The following HNF4A variants were observed in gnomAD, a reference collection of about 807,000 sequenced individuals.
HNF4A encodes hepatocyte nuclear factor 4-alpha.
Under a neutral mutation model 52.4 loss-of-function variants are expected in HNF4A, and 15 were observed. That is an observed-to-expected ratio of 0.29 (90% CI 0.19 to 0.44). The LOEUF (loss-of-function observed/expected upper bound fraction) is 0.44, where lower values mean the gene tolerates loss of function less well. Ranked by LOEUF, HNF4A falls within the 20% of genes least tolerant of loss-of-function variation. The pLI, the probability that HNF4A is intolerant of heterozygous loss-of-function variation, is 1.00. For missense variants in HNF4A, 479 were observed against 647.2 expected (o/e 0.74, Z 2.82); for synonymous variants, 280 against 264.4 (o/e 1.06, Z -0.57).
chr20:44,423,061 A>G (rs1568739948), intron 7 of HNF4A, among the ~76,000 whole-genome samples: 1 of 152,222 alleles, frequency 6.6e-6, no homozygotes. Context: ...TCACGCCTGT[A>G]ATCCCAACAT....
intron 1 of HNF4A, among the ~76,000 whole-genome samples, chr20:44,384,264 C>T (rs565143885): frequency 7.0e-6 from 1 of 142,592 alleles, no homozygotes; most frequent in South Asian, 2.3e-4. Flanking sequence ...TTCTTTCATT[C>T]TGTTTATTTT....
chr20:44,393,650 G>A (rs1251167066), intron 1 of HNF4A, among the ~76,000 whole-genome samples: 2 of 152,112 alleles, frequency 1.3e-5, no homozygotes, highest in East Asian at 3.8e-4. Flanking sequence ...GTGGCTGGGA[G>A]GATCAAGGAA....
chr20:44,405,058 T>C (rs1272942772), intron 1 of HNF4A, among the ~76,000 whole-genome samples: 1 of 128,884 alleles, frequency 7.8e-6, no homozygotes, highest in African/African-American at 2.9e-5. Flanking sequence ...GTGTGGACTG[T>C]GTGGTGCGTG....
chr20:44,418,751 G>A (rs1035035788), intron 6 of HNF4A, among the ~76,000 whole-genome samples: 8 of 152,164 alleles, frequency 5.3e-5, no homozygotes, highest in Non-Finnish European at 1.2e-4. Flanking sequence ...GTCAGAGCAC[G>A]ATCAGGGTTA....
intron 7 of HNF4A, among the ~76,000 whole-genome samples, chr20:44,421,212 A>T (rs941132199): frequency 6.6e-6 from 1 of 152,168 alleles, no homozygotes; most frequent in Admixed American, 6.5e-5. Context: ...GGATGAAGAA[A>T]AAGCATTCCT....
At chr20:44,406,506 T>C (rs1221700722) in intron 2 of HNF4A, among the ~76,000 whole-genome samples, 1 of 152,210 alleles carries the variant, frequency 6.6e-6, no homozygotes, top group Non-Finnish European at 1.5e-5. Flanking sequence ...ACCCATCCCC[T>C]TGAGCCCATT....
chr20:44,392,801 G>A (rs1200173828), intron 1 of HNF4A, among the ~76,000 whole-genome samples: 2 of 152,170 alleles, frequency 1.3e-5, no homozygotes, highest in East Asian at 1.9e-4. Flanking sequence ...AGCTGGGGCA[G>A]GACACCCAGC....
At chr20:44,428,847 C>T (rs543767175) in intron 9 of HNF4A, among the ~76,000 whole-genome samples, 27 of 152,212 alleles carry the variant, frequency 1.8e-4, no homozygotes, top group Non-Finnish European at 3.7e-4. Flanking sequence ...TTAGATGAGA[C>T]TACCCATTGG....
rs2063620909 is a variant in HNF4A, at chr20:44,413,794, C to T, written c.486C>T (p.Ser162=). 1 of 1,607,776 alleles carries T rather than the reference C, an allele frequency of 6.2e-7. No homozygotes were observed. The highest frequency in any genetic ancestry group is 8.5e-7 in the Non-Finnish European group (1 of 1,175,338). ...CGCTCCTGCAGGCGGAGGTCCTGTC[C>T]CGACAGGTACCGGGGTGATCCTGCC... Residue 162 remains serine, a synonymous_variant, in exon 4 of 10, where the codon TCC becomes TCT. Coordinates refer to ENST00000316099, the MANE Select transcript of HNF4A (RefSeq NM_000457.6).
At chr20:44,362,705 C>T (rs1355631237) in intron 1 of HNF4A, among the ~76,000 whole-genome samples, 1 of 152,058 alleles carries the variant, frequency 6.6e-6, no homozygotes, top group African/African-American at 2.4e-5. Flanking sequence ...CCCTGCATCG[C>T]CTTGCAAATA....
intron 1 of HNF4A, chr20:44,390,695 C>G (rs1321007458): frequency 5.0e-5 from 35 of 700,842 alleles, no homozygotes. Context: ...GTCCTGACTC[C>G]ACATCTGCCT....
chr20:44,413,912 C>T, intron 4 of HNF4A, 112 bp downstream of exon 4: 1 of 753,990 alleles, frequency 1.3e-6, no homozygotes. Flanking sequence ...CGGGAGGGGC[C>T]TCAGATATTA....
chr20:44,363,733 CAG>C (rs1295750829), intron 1 of HNF4A, among the ~76,000 whole-genome samples: 2 of 119,732 alleles, frequency 1.7e-5, no homozygotes, highest in African/African-American at 6.4e-5. Context: ...TTTTTTGAGA[CAG>C]AGTCTCAATG....
Position 44,406,099 on chromosome 20 carries a change from A to G in HNF4A, c.157A>G (p.Ser53Gly). ...AGGCACCAACCTCAACGCGCCCAAC[A>G]GCCTGGGTGTCAGCGCCCTGTGTGC... is the stretch of plus-strand genomic sequence containing the variant. Residue 53 changes from serine (S) to glycine (G), a missense_variant, in exon 2 of 10, where the codon AGC (serine) becomes GGC (glycine). Coordinates refer to ENST00000316099, the MANE Select transcript of HNF4A (RefSeq NM_000457.6). 1 of 1,613,348 alleles carries G rather than the reference A, an allele frequency of 6.2e-7. No individual in the cohort carries two copies. The highest frequency in any genetic ancestry group is 8.5e-7 in the Non-Finnish European group (1 of 1,180,020).
intron 6 of HNF4A, 135 bp from the exon 7 acceptor site, chr20:44,419,586 T>G: frequency 1.2e-6 from 1 of 824,292 alleles, no homozygotes; most frequent in Non-Finnish European, 2.1e-6. Context: ...TCCTTACCTG[T>G]GAAATGGGAG....
At position 44,424,429 on chromosome 20, in the gene HNF4A, G is replaced by A. The variant is rs1301232284; in HGVS notation, c.1129+175G>A. The stretch of plus-strand genomic sequence containing the variant: ...CCAGAAAAATGGGAACAAGGCAATG[G>A]TCTATTTGTTCAGGCACCGAGAACC... On this transcript the variant is annotated intron_variant, in intron 8 of 9. Coordinates refer to ENST00000316099, the MANE Select transcript of HNF4A (RefSeq NM_000457.6). The A allele has an allele frequency of 8.4e-6, 10 of 1,186,190 alleles. No homozygotes were observed. In the South Asian group the frequency reaches 1.0e-4, roughly 12 times the overall value. 73.5% of individuals were successfully genotyped at this position (1,186,190 alleles called of 1,614,324 possible).
At chr20:44,412,519 A>G (rs2063600081) in intron 3 of HNF4A, among the ~76,000 whole-genome samples, 1 of 152,116 alleles carries the variant, frequency 6.6e-6, no homozygotes, top group Non-Finnish European at 1.5e-5. Flanking sequence ...GAAGCCGGTA[A>G]AAGGTGCGAT....
At chr20:44,386,387 G>A (rs936156177) in intron 1 of HNF4A, among the ~76,000 whole-genome samples, 2 of 151,876 alleles carry the variant, frequency 1.3e-5, no homozygotes, top group Admixed American at 6.6e-5. Context: ...GGCTGGTCTC[G>A]AACTCCTGAA....
intron 1 of HNF4A, among the ~76,000 whole-genome samples, chr20:44,386,990 A>G (rs981619973): frequency 6.6e-6 from 1 of 152,178 alleles, no homozygotes; most frequent in African/African-American, 2.4e-5. Context: ...TCCAACAACT[A>G]TCCATTAAAC....
Sources: gnomAD v4.1 joint callset for allele counts (sites outside exome capture counted in the v4.1 genomes callset) on GRCh38, gnomAD v4.1.1 for gene constraint, MANE v1.5 for transcripts, NCBI Gene and HGNC (gene_info 2026-07-23, HGNC 2026-07-21) for gene names.